GPR107: variants seen among roughly 807,000 people sequenced by gnomAD.
GPR107 encodes the protein G protein-coupled receptor 107.
GPR107 carries 31 observed loss-of-function variants against 75.5 expected under a neutral mutation model. That is an observed-to-expected ratio of 0.41 (90% CI 0.31 to 0.55). The LOEUF (loss-of-function observed/expected upper bound fraction) is 0.55, where lower values mean the gene tolerates loss of function less well. GPR107 is among the 20% of genes least tolerant of loss of function. The probability of loss-of-function intolerance (pLI) is 0.26; values close to 1 mark genes in which losing one functional copy is unlikely to be tolerated. For missense variants in GPR107, 572 were observed against 665.7 expected, an observed-to-expected ratio of 0.86 and a Z score of 1.55; for synonymous variants, 267 against 251.3, an observed-to-expected ratio of 1.06 and a Z score of -0.59.
At chr9:130,091,768 T>C (rs1830744595) in intron 8 of GPR107, among the ~76,000 whole-genome samples, 1 of 151,524 alleles carries the variant, frequency 6.6e-6, no homozygotes, top group African/African-American at 2.4e-5. Context: ...CAATCTTGGC[T>C]CACTGCAACC....
chr9:130,129,584 C>G (rs3739863), intron 17 of GPR107: 4 of 152,392 alleles, frequency 2.6e-5, no homozygotes, highest in African/African-American at 9.7e-5. Flanking sequence ...GAAGGCAGGT[C>G]CTGCCAGCGG....
chr9:130,118,946 C>A (rs1157498242), intron 14 of GPR107, among the ~76,000 whole-genome samples: 5 of 152,216 alleles, frequency 3.3e-5, no homozygotes, highest in Admixed American at 3.3e-4. Flanking sequence ...GGCCTTGTCT[C>A]TCTCCCCACA....
intron 1 of GPR107, among the ~76,000 whole-genome samples, chr9:130,072,066 G>A (rs576475764): frequency 6.6e-6 from 1 of 151,554 alleles, no homozygotes; most frequent in Non-Finnish European, 1.5e-5. Context: ...CTGCCTCCTC[G>A]GTTCAAGCAC....
chr9:130,084,725 A>G (rs888732123), intron 6 of GPR107, among the ~76,000 whole-genome samples: 1 of 151,730 alleles, frequency 6.6e-6, no homozygotes, highest in African/African-American at 2.4e-5. Context: ...ACAGTGAGCT[A>G]TGATTGTGCC....
At chr9:130,055,920 C>T (rs1009046481) in intron 1 of GPR107, among the ~76,000 whole-genome samples, 4 of 151,934 alleles carry the variant, frequency 2.6e-5, no homozygotes, top group African/African-American at 4.8e-5. Context: ...GCACTCCAGT[C>T]GGGGCGAAAG....
chr9:130,059,733 CT>C (rs61429853), intron 1 of GPR107, among the ~76,000 whole-genome samples: 205 of 144,460 alleles, frequency 1.4e-3, no homozygotes, highest in African/African-American at 3.0e-3. Context: ...GTTAATACGT[CT>C]TTTTTTTTTT....
At chr9:130,063,141 A>C (rs932651860) in intron 1 of GPR107, among the ~76,000 whole-genome samples, 2 of 152,140 alleles carry the variant, frequency 1.3e-5, no homozygotes, top group African/African-American at 2.4e-5. Flanking sequence ...TTAAGTGTGA[A>C]TATCTATTAA....
chr9:130,062,726 A>G (rs992904866), intron 1 of GPR107, among the ~76,000 whole-genome samples: 1 of 130,394 alleles, frequency 7.7e-6, no homozygotes, highest in Non-Finnish European at 1.6e-5. Flanking sequence ...TCCGTCTTTT[A>G]TTTTTTTTTA....
At chr9:130,091,363 A>G (rs1830732970) in intron 8 of GPR107, among the ~76,000 whole-genome samples, 1 of 151,832 alleles carries the variant, frequency 6.6e-6, no homozygotes, top group Non-Finnish European at 1.5e-5. Context: ...GGTGGTACAC[A>G]CCTCTAGTCC....
intron 17 of GPR107, chr9:130,129,084 C>A (rs867298526): frequency 2.1e-4 from 43 of 200,144 alleles, no homozygotes; most frequent in African/African-American, 8.9e-4. Flanking sequence ...AGGGGGCCGA[C>A]TTTCTGTCAG....
At chr9:130,072,223 ATTT>A (rs1204270335) in intron 1 of GPR107, among the ~76,000 whole-genome samples, 2 of 135,044 alleles carry the variant, frequency 1.5e-5, no homozygotes, top group Non-Finnish European at 3.2e-5. Flanking sequence ...TATTTATTTA[ATTT>A]TTTTTTTTTT....
chr9:130,073,010 C>T (rs116411123), intron 1 of GPR107, among the ~76,000 whole-genome samples: 2,934 of 152,248 alleles, frequency 0.019, 96 homozygotes, highest in African/African-American at 0.067. Context: ...TGAGGCAGAA[C>T]CATTACCAAG....
At chr9:130,096,132 C>A (rs1830862272) in intron 9 of GPR107, among the ~76,000 whole-genome samples, 1 of 152,178 alleles carries the variant, frequency 6.6e-6, no homozygotes, top group African/African-American at 2.4e-5. Context: ...GATATTCTAA[C>A]CATGGACTGC....
At chr9:130,068,746 TTTTTA>T (rs1009742427) in intron 1 of GPR107, among the ~76,000 whole-genome samples, 2 of 151,516 alleles carry the variant, frequency 1.3e-5, no homozygotes, top group African/African-American at 4.9e-5. Flanking sequence ...TATGTCCTCT[TTTTTA>T]TTTTTTTTGA....
chr9:130,092,586 G>A (rs1830768395), intron 9 of GPR107, among the ~76,000 whole-genome samples: 1 of 150,450 alleles, frequency 6.6e-6, no homozygotes, highest in African/African-American at 2.5e-5. Flanking sequence ...ACTTCCTGTT[G>A]TTTTGTTTAA....
intron 1 of GPR107, among the ~76,000 whole-genome samples, chr9:130,055,493 A>C (rs1829750741): frequency 7.0e-6 from 1 of 143,222 alleles, no homozygotes; most frequent in Admixed American, 7.3e-5. Flanking sequence ...CCGCCACTGC[A>C]CTCCAGCCTG....
chr9:130,131,361 AC>A (rs1461192496), intron 17 of GPR107, among the ~76,000 whole-genome samples: 1 of 151,774 alleles, frequency 6.6e-6, no homozygotes, highest in African/African-American at 2.4e-5. Flanking sequence ...TGTAGCGCCT[AC>A]CCCACCCTGG....
chr9:130,066,497 C>T (rs1830072123), intron 1 of GPR107, among the ~76,000 whole-genome samples: 1 of 152,016 alleles, frequency 6.6e-6, no homozygotes, highest in Non-Finnish European at 1.5e-5. Flanking sequence ...CCTAGGCATG[C>T]CTCCAAAACT....
chr9:130,130,783 T>C (rs1287478380), intron 17 of GPR107, among the ~76,000 whole-genome samples: 1 of 150,438 alleles, frequency 6.6e-6, no homozygotes, highest in Non-Finnish European at 1.5e-5. Context: ...AGCAGGAGAA[T>C]CTCTTGAAAT....
Sources: gnomAD v4.1 joint callset for allele counts (sites outside exome capture counted in the v4.1 genomes callset) on GRCh38, gnomAD v4.1.1 for gene constraint, MANE v1.5 for transcripts, NCBI Gene and HGNC (gene_info 2026-07-23, HGNC 2026-07-21) for gene names.